DMTF1: variants seen among roughly 807,000 people sequenced by gnomAD.
DMTF1 encodes the protein cyclin D binding myb like transcription factor 1, also known as cyclin-D-binding Myb-like transcription factor 1.
In DMTF1, 39 loss-of-function variants were observed where a neutral mutation model predicts 91.1. The observed-to-expected ratio is 0.43, with a 90% CI of 0.33 to 0.56. The LOEUF (loss-of-function observed/expected upper bound fraction) is 0.56, where lower values mean the gene tolerates loss of function less well. Ranked by LOEUF, DMTF1 falls within the 20% of genes least tolerant of loss-of-function variation. The pLI, the probability that DMTF1 is intolerant of heterozygous loss-of-function variation, is 0.05. For synonymous variants in DMTF1, 338 were observed against 309.5 expected (o/e 1.09, Z -0.97); for missense variants, 750 against 914.5 (o/e 0.82, Z 2.32).
At chr7:87,171,620 ATTTT>A in intron 5 of DMTF1, among the ~76,000 whole-genome samples, 1 of 152,178 alleles carries the variant, frequency 6.6e-6, no homozygotes, top group East Asian at 1.9e-4. Context: ...TGGGCTGAAT[ATTTT>A]AATTTCTAAG....
intron 7 of DMTF1, among the ~76,000 whole-genome samples, chr7:87,176,067 A>G (rs1440201230): frequency 6.6e-6 from 1 of 152,170 alleles, no homozygotes; most frequent in African/African-American, 2.4e-5. Context: ...GTGTTTAACC[A>G]TTCTCCTATC....
chr7:87,156,528 A>G (rs1288314996), intron 1 of DMTF1, among the ~76,000 whole-genome samples: 1 of 152,172 alleles, frequency 6.6e-6, no homozygotes, highest in East Asian at 1.9e-4. Flanking sequence ...AGAGGAACAA[A>G]TCCCACGGGG....
chr7:87,183,024 C>T (rs528126793), intron 10 of DMTF1, among the ~76,000 whole-genome samples: 1 of 152,168 alleles, frequency 6.6e-6, no homozygotes, highest in South Asian at 2.1e-4. Context: ...TAGGTGGTCT[C>T]ATAGTGCCCT....
In DMTF1 at chr7:87,188,111, A is replaced by T; in HGVS notation, c.1221A>T (p.Lys407Asn). Reference protein sequence around the residue: ...VSFPVLIKGLKQLHENQKNNP... With the variant: ...VSFPVLIKGLNQLHENQKNNP... ...CTTCAGTCTTAATAAAAGGTCTTAA[A>T]CAGTTACATGAGAACCAAAAAAACA... The change falls in exon 13 of 18, where the codon AAA (lysine) becomes AAT (asparagine). Residue 407 changes from lysine (K) to asparagine (N), a missense_variant. Coordinates refer to ENST00000331242, the MANE Select transcript of DMTF1 (RefSeq NM_001142327.2). 2.5e-6 allele frequency: 4 copies of T among 1,613,726 alleles called. No homozygotes were observed. Among genetic ancestry groups the T allele is most frequent in the Non-Finnish European group, 3.4e-6 (4 of 1,179,780 alleles).
In DMTF1 at chr7:87,182,022, A is replaced by G. The variant is rs201118348; in HGVS notation, c.711-206A>G. 803 of 1,525,454 alleles carry G rather than the reference A, an allele frequency of 5.3e-4. 2 individuals are homozygous for G. Among genetic ancestry groups the G allele is most frequent in the Middle Eastern group, 1.7e-4 (1 of 5,940 alleles). 94.5% of individuals were successfully genotyped at this position (1,525,454 alleles called of 1,614,324 possible). A position where few individuals can be genotyped will look rare whatever the true frequency, so the allele number is the denominator to read the frequency against. ...TTATTTCTTCTCTGACCCAGGAAAA[A>G]GGCAATTGCTGCCTGTTTTTTTTTC... On this transcript the variant is annotated intron_variant, in intron 9 of 17. Coordinates refer to ENST00000331242, the MANE Select transcript of DMTF1 (RefSeq NM_001142327.2).
Position 87,181,043 on chromosome 7 carries a change from T to A in DMTF1, c.678-266T>A, listed in dbSNP as rs192474370. ...TTTTCTGTTTTTGGTAGAGATGGGG[T>A]TTTGCCATGTTGGCCAGGCTGGTCT... On this transcript the variant is annotated intron_variant, in intron 8 of 17. Coordinates refer to ENST00000331242, the MANE Select transcript of DMTF1 (RefSeq NM_001142327.2). Among the ~76,000 whole-genome samples, 156 of 152,146 alleles carry A rather than the reference T, an allele frequency of 1.0e-3. 3 individuals carry two copies. Among genetic ancestry groups the A allele is most frequent in the South Asian group, 8.5e-3 (41 of 4,810 alleles).
At chr7:87,166,030 A>T (rs931240605) in intron 3 of DMTF1, among the ~76,000 whole-genome samples, 1 of 152,168 alleles carries the variant, frequency 6.6e-6, no homozygotes, top group African/African-American at 2.4e-5. Context: ...AAGCTTCCCA[A>T]GGTTTTTAGA....
At chr7:87,185,463 A>G (rs1044490954) in intron 11 of DMTF1, among the ~76,000 whole-genome samples, 1 of 152,228 alleles carries the variant, frequency 6.6e-6, no homozygotes, top group Admixed American at 6.5e-5. Flanking sequence ...GCTCAGATCC[A>G]GGAAGTAAAT....
chr7:87,162,727 A>G (rs1792784584), intron 1 of DMTF1: 2 of 152,148 alleles, frequency 1.3e-5, no homozygotes, highest in South Asian at 4.1e-4. Flanking sequence ...CTGAAAATGC[A>G]AAGAGGATCT....
chr7:87,170,472 G>A (rs1166537608), intron 4 of DMTF1, among the ~76,000 whole-genome samples: 1 of 152,078 alleles, frequency 6.6e-6, no homozygotes, highest in African/African-American at 2.4e-5. Flanking sequence ...AGCTACACTG[G>A]CCTCCTTGCT....
intron 1 of DMTF1, among the ~76,000 whole-genome samples, chr7:87,161,685 C>A (rs999506787): frequency 3.3e-5 from 5 of 152,140 alleles, no homozygotes; most frequent in African/African-American, 4.8e-5. Context: ...AAAAAAGGAG[C>A]CAGGATTCCT....
At chr7:87,157,206 T>C (rs2129046798) in intron 1 of DMTF1, among the ~76,000 whole-genome samples, 1 of 152,278 alleles carries the variant, frequency 6.6e-6, no homozygotes, top group Non-Finnish European at 1.5e-5. Context: ...TCTCAGTCTT[T>C]AACTCACCTA....
intron 1 of DMTF1, among the ~76,000 whole-genome samples, chr7:87,157,299 A>G (rs929307417): frequency 2.6e-5 from 4 of 152,152 alleles, no homozygotes; most frequent in Admixed American, 2.6e-4. Flanking sequence ...AATGTTTTAT[A>G]TCATGTGGTC....
intron 1 of DMTF1, among the ~76,000 whole-genome samples, chr7:87,157,992 G>T (rs1791219498): frequency 6.6e-6 from 1 of 151,958 alleles, no homozygotes; most frequent in African/African-American, 2.4e-5. Flanking sequence ...CATTAAAGAA[G>T]TTCACTGTAA....
At chr7:87,179,835 G>A in intron 8 of DMTF1, 133 bp downstream of exon 8, 2 of 800,672 alleles carry the variant, frequency 2.5e-6, no homozygotes, top group Non-Finnish European at 3.7e-6. Flanking sequence ...CCAGGTCCAT[G>A]TTGTGAATAT....
At chr7:87,188,001 TTCCC>T (rs1798846599) in intron 12 of DMTF1, 87 bp from the exon 13 acceptor site, 5 of 936,810 alleles carry the variant, frequency 5.3e-6, no homozygotes, top group Non-Finnish European at 6.8e-6. Context: ...TCCAAATACT[TTCCC>T]TCCTTACCTC....
chr7:87,189,518 AAACATT>A (rs1799256438), intron 13 of DMTF1, among the ~76,000 whole-genome samples: 1 of 152,154 alleles, frequency 6.6e-6, no homozygotes, highest in Non-Finnish European at 1.5e-5. Context: ...TTGGGAAGAC[AAACATT>A]TTATAAATGA....
chr7:87,176,530 T>C (rs1327195206), intron 7 of DMTF1, among the ~76,000 whole-genome samples: 1 of 152,156 alleles, frequency 6.6e-6, no homozygotes, highest in Admixed American at 6.6e-5. Flanking sequence ...AGAGGACTGT[T>C]TCAGTAGACC....
At chr7:87,194,557 CT>C (rs1800776127) in intron 16 of DMTF1, 126 bp from the exon 17 acceptor site, 1 of 663,478 alleles carries the variant, frequency 1.5e-6, no homozygotes, top group Non-Finnish European at 2.4e-6. Context: ...GAGACCTTAA[CT>C]TTTTATTTTA....
Sources: allele counts gnomAD v4.1 joint callset (sites outside exome capture counted in the v4.1 genomes callset), GRCh38; gene constraint gnomAD v4.1.1; transcripts MANE v1.5; gene names NCBI Gene and HGNC (gene_info 2026-07-23, HGNC 2026-07-21).